The following MDGA2 variants were observed in gnomAD, a reference collection of about 807,000 sequenced individuals.
The protein encoded by MDGA2 is MAM domain containing glycosylphosphatidylinositol anchor 2.
In MDGA2, 40 loss-of-function variants were observed where a neutral mutation model predicts 117.8. The ratio of observed to expected loss-of-function variants is 0.34; its 90% confidence interval spans 0.26 to 0.44. The LOEUF (loss-of-function observed/expected upper bound fraction) is 0.44, where lower values mean the gene tolerates loss of function less well. MDGA2 is among the 20% of genes least tolerant of loss of function. The pLI, the probability that MDGA2 is intolerant of heterozygous loss-of-function variation, is 1.00. For synonymous variants in MDGA2, 452 were observed against 439.0 expected, an observed-to-expected ratio of 1.03 and a Z score of -0.37; for missense variants, 1,123 against 1,250.6, an observed-to-expected ratio of 0.90 and a Z score of 1.54.
At chr14:47,634,542 A>T (rs1239799234) in intron 1 of MDGA2, among the ~76,000 whole-genome samples, 2 of 152,122 alleles carry the variant, frequency 1.3e-5, no homozygotes, top group Non-Finnish European at 2.9e-5. Flanking sequence ...TAAAAGAAAA[A>T]TCGCTTGTAA....
intron 1 of MDGA2, among the ~76,000 whole-genome samples, chr14:47,562,550 A>T (rs1201869436): frequency 6.6e-6 from 1 of 152,104 alleles, no homozygotes; most frequent in Non-Finnish European, 1.5e-5. Flanking sequence ...ACAGCCTCTG[A>T]GGATTTTTGT....
intron 3 of MDGA2, among the ~76,000 whole-genome samples, chr14:47,168,366 T>C (rs1362775854): frequency 1.3e-5 from 2 of 151,824 alleles, no homozygotes; most frequent in African/African-American, 4.8e-5. Context: ...ACATCTATAT[T>C]CTATATAATT....
At chr14:47,569,117 A>G (rs976589828) in intron 1 of MDGA2, among the ~76,000 whole-genome samples, 1 of 152,158 alleles carries the variant, frequency 6.6e-6, no homozygotes, top group Non-Finnish European at 1.5e-5. Flanking sequence ...GCTTTTCAAA[A>G]TAACACTCTC....
intron 4 of MDGA2, among the ~76,000 whole-genome samples, chr14:47,141,489 A>G (rs1594663457): frequency 1.3e-5 from 2 of 152,302 alleles, no homozygotes; most frequent in East Asian, 3.9e-4. Flanking sequence ...GCTATAAAAT[A>G]ATGAGTGTTT....
At chr14:46,870,544 G>A (rs898758349) in intron 14 of MDGA2, among the ~76,000 whole-genome samples, 2 of 151,884 alleles carry the variant, frequency 1.3e-5, no homozygotes, top group African/African-American at 4.8e-5. Flanking sequence ...TCAATGTCTG[G>A]ACCAGGTATT....
chr14:47,380,020 G>A (rs998002464), intron 1 of MDGA2, among the ~76,000 whole-genome samples: 18 of 152,252 alleles, frequency 1.2e-4, no homozygotes, highest in African/African-American at 4.3e-4. Flanking sequence ...ATAACGAACT[G>A]TCTCTCAGAC....
At chr14:46,913,142 T>C (rs1270994342) in intron 10 of MDGA2, among the ~76,000 whole-genome samples, 2 of 152,146 alleles carry the variant, frequency 1.3e-5, no homozygotes, top group African/African-American at 4.8e-5. Flanking sequence ...AAATTCAAGT[T>C]CTGCCTATTT....
At chr14:47,107,546 C>A (rs111629268) in intron 5 of MDGA2, among the ~76,000 whole-genome samples, 1 of 151,226 alleles carries the variant, frequency 6.6e-6, no homozygotes, top group Non-Finnish European at 1.5e-5. Context: ...GCTGTACTGC[C>A]GCAAAGCTTC....
intron 2 of MDGA2, among the ~76,000 whole-genome samples, chr14:47,285,790 A>C (rs1318392772): frequency 6.6e-6 from 1 of 152,140 alleles, no homozygotes; most frequent in Non-Finnish European, 1.5e-5. Context: ...TTAAATGCTT[A>C]ATTCTTAGAG....
intron 1 of MDGA2, among the ~76,000 whole-genome samples, chr14:47,541,464 T>C (rs892999527): frequency 6.6e-6 from 1 of 152,220 alleles, no homozygotes; most frequent in Non-Finnish European, 1.5e-5. Flanking sequence ...TTACCCTTTC[T>C]GTACTGATGC....
chr14:47,220,599 T>C (rs1886263072), intron 2 of MDGA2, among the ~76,000 whole-genome samples: 1 of 143,626 alleles, frequency 7.0e-6, no homozygotes. Flanking sequence ...CCTGACACCA[T>C]GGAGTTATAC....
rs1374009795 is a variant in MDGA2, at chr14:47,102,388, CACACAA to C, written c.926-5271_926-5266del. Among the ~76,000 whole-genome samples the C allele has an allele frequency of 1.5e-3, 218 of 142,180 alleles. 1 individual carries two copies. The highest frequency in any genetic ancestry group is 6.2e-3 in the African/African-American group (214 of 34,496). The allele number at this position is 142,180 out of a possible 152,430, so 93.3% of individuals were successfully genotyped here. ...AGAAACACACACACACACACACACA[CACACAA>C]ACACACACACACACACACAAACTAA... On this transcript the variant is annotated intron_variant, in intron 5 of 16. Coordinates refer to ENST00000399232, the MANE Select transcript of MDGA2 (RefSeq NM_001113498.3).
At chr14:46,876,564 G>T (rs1333259285) in intron 12 of MDGA2, among the ~76,000 whole-genome samples, 1 of 151,598 alleles carries the variant, frequency 6.6e-6, no homozygotes, top group South Asian at 2.1e-4. Context: ...ATTACAACAT[G>T]ATTTTAGCAG....
chr14:47,138,201 T>G (rs914712030), intron 4 of MDGA2, among the ~76,000 whole-genome samples: 6 of 152,150 alleles, frequency 3.9e-5, no homozygotes, highest in Non-Finnish European at 8.8e-5. Flanking sequence ...TATAACTACT[T>G]TAACATTAAT....
intron 3 of MDGA2, among the ~76,000 whole-genome samples, chr14:47,168,284 C>CAAAA (rs563280796): frequency 3.3e-4 from 20 of 60,054 alleles, no homozygotes; most frequent in Admixed American, 5.9e-4. Flanking sequence ...AACTCCATCT[C>CAAAA]AAAAAAAAAA....
At chr14:47,279,509 T>G (rs1477081016) in intron 2 of MDGA2, among the ~76,000 whole-genome samples, 2 of 152,154 alleles carry the variant, frequency 1.3e-5, no homozygotes, top group Admixed American at 1.3e-4. Context: ...CTTTTCCAGT[T>G]TGACATTTGC....
intron 8 of MDGA2, among the ~76,000 whole-genome samples, chr14:46,960,263 C>A (rs1297348414): frequency 6.6e-6 from 1 of 151,910 alleles, no homozygotes; most frequent in Non-Finnish European, 1.5e-5. Flanking sequence ...ATATGGTATA[C>A]CTATAGTATT....
chr14:47,297,491 T>TGAGAA (rs1889115360), intron 2 of MDGA2, among the ~76,000 whole-genome samples: 1 of 7,060 alleles, frequency 1.4e-4, no homozygotes, highest in Non-Finnish European at 2.9e-4. Flanking sequence ...AGTGGAGGGG[T>TGAGAA]GTGAAGGGAA....
At chr14:47,435,656 C>A (rs979576444) in intron 1 of MDGA2, among the ~76,000 whole-genome samples, 1 of 152,058 alleles carries the variant, frequency 6.6e-6, no homozygotes, top group Non-Finnish European at 1.5e-5. Context: ...TGGCCATTTG[C>A]ATTCATGGTA....
Sources: gnomAD v4.1 joint callset for allele counts (sites outside exome capture counted in the v4.1 genomes callset) on GRCh38, gnomAD v4.1.1 for gene constraint, MANE v1.5 for transcripts, NCBI Gene and HGNC (gene_info 2026-07-23, HGNC 2026-07-21) for gene names.